Variants in KAZN observed in about 807,000 individuals in gnomAD.
KAZN encodes kazrin, periplakin interacting protein.
KAZN carries 40 observed loss-of-function variants against 87.4 expected under a neutral mutation model. The observed-to-expected ratio is 0.46, with a 90% confidence interval of 0.36 to 0.60. The LOEUF (loss-of-function observed/expected upper bound fraction) is 0.60, where lower values mean the gene tolerates loss of function less well. KAZN is among the 20% of genes least tolerant of loss of function. The pLI, the probability that KAZN is intolerant of heterozygous loss-of-function variation, is 0.00. For missense variants in KAZN, 898 were observed against 1,073.9 expected, an observed-to-expected ratio of 0.84 and a Z score of 2.29; for synonymous variants, 466 against 458.3, an observed-to-expected ratio of 1.02 and a Z score of -0.22.
At chr1:14,451,712 C>T (rs961976471) in intron 2 of KAZN, among the ~76,000 whole-genome samples, 1 of 151,992 alleles carries the variant, frequency 6.6e-6, no homozygotes, top group Non-Finnish European at 1.5e-5. Context: ...GCTGAAGACC[C>T]AAGAGAGTGG....
At chr1:15,023,416 G>A (rs180795289) in intron 2 of KAZN, among the ~76,000 whole-genome samples, 3 of 152,184 alleles carry the variant, frequency 2.0e-5, no homozygotes, top group Admixed American at 1.3e-4. Flanking sequence ...AGTGAGACAC[G>A]TGGGTAGGAG....
At chr1:14,213,603 G>A (rs1334789781) in intron 2 of KAZN, among the ~76,000 whole-genome samples, 1 of 152,194 alleles carries the variant, frequency 6.6e-6, no homozygotes, top group African/African-American at 2.4e-5. Context: ...GAGGTTAGTT[G>A]GTTAGAAAGG....
At chr1:14,563,604 G>A (rs933999899) in intron 2 of KAZN, among the ~76,000 whole-genome samples, 1 of 152,040 alleles carries the variant, frequency 6.6e-6, no homozygotes, top group African/African-American at 2.4e-5. Flanking sequence ...CAGAAGCTTA[G>A]CCATCACTCC....
At chr1:14,554,891 C>T (rs999127585) in intron 2 of KAZN, among the ~76,000 whole-genome samples, 1 of 152,220 alleles carries the variant, frequency 6.6e-6, no homozygotes, top group African/African-American at 2.4e-5. Context: ...CAGTGCTACA[C>T]AAACCAAAAC....
intron 1 of KAZN, among the ~76,000 whole-genome samples, chr1:14,959,532 G>T (rs548398819): frequency 6.6e-6 from 1 of 152,110 alleles, no homozygotes; most frequent in Non-Finnish European, 1.5e-5. Flanking sequence ...GGCAGTGTGC[G>T]GAGGGTGGGG....
At chr1:14,679,055 C>T (rs973280316) in intron 1 of KAZN, among the ~76,000 whole-genome samples, 2 of 152,178 alleles carry the variant, frequency 1.3e-5, no homozygotes, top group Non-Finnish European at 1.5e-5. Context: ...TACTATGTGC[C>T]AGACACTCGT....
chr1:14,999,672 C>T (rs983483998), intron 2 of KAZN, among the ~76,000 whole-genome samples: 1 of 152,222 alleles, frequency 6.6e-6, no homozygotes, highest in Non-Finnish European at 1.5e-5. Context: ...ACAAGAACCC[C>T]GGCATTTGTT....
intron 8 of KAZN, among the ~76,000 whole-genome samples, chr1:15,073,882 C>T (rs768347666): frequency 2.0e-5 from 3 of 152,216 alleles, no homozygotes; most frequent in Non-Finnish European, 4.4e-5. Flanking sequence ...GCCCAAGCTG[C>T]TGCACTCTGG....
At chr1:14,602,676 G>A (rs1378242156) in intron 1 of KAZN, among the ~76,000 whole-genome samples, 1 of 152,200 alleles carries the variant, frequency 6.6e-6, no homozygotes, top group Non-Finnish European at 1.5e-5. Context: ...ATCAGCTGAT[G>A]AATGACTAAT....
At chr1:14,860,542 CAG>C (rs1292919332) in intron 1 of KAZN, among the ~76,000 whole-genome samples, 1 of 152,164 alleles carries the variant, frequency 6.6e-6, no homozygotes, top group Non-Finnish European at 1.5e-5. Flanking sequence ...GCACTGTGGT[CAG>C]AGAGGGAGAC....
At chr1:14,802,184 T>C (rs1646054915) in intron 1 of KAZN, among the ~76,000 whole-genome samples, 1 of 151,932 alleles carries the variant, frequency 6.6e-6, no homozygotes, top group Non-Finnish European at 1.5e-5. Flanking sequence ...GGCTGGTGGA[T>C]CACTTGAGGC....
At chr1:14,407,593 A>AACCT (rs1301253733) in intron 2 of KAZN, among the ~76,000 whole-genome samples, 1 of 152,200 alleles carries the variant, frequency 6.6e-6, no homozygotes, top group Non-Finnish European at 1.5e-5. Context: ...CCCTGTCCAC[A>AACCT]ACCTGCCTGT....
chr1:14,346,787 T>C (rs1283906660), intron 2 of KAZN, among the ~76,000 whole-genome samples: 1 of 152,154 alleles, frequency 6.6e-6, no homozygotes, highest in African/African-American at 2.4e-5. Flanking sequence ...GAGGTGTCTA[T>C]GGTGGCACTA....
intron 2 of KAZN, among the ~76,000 whole-genome samples, chr1:14,297,503 G>A (rs977999664): frequency 1.3e-5 from 2 of 152,048 alleles, no homozygotes; most frequent in African/African-American, 4.8e-5. Flanking sequence ...GAGTGATTTG[G>A]GAGAGCCAGC....
At chr1:14,678,758 C>T (rs2148754748) in intron 1 of KAZN, among the ~76,000 whole-genome samples, 1 of 152,294 alleles carries the variant, frequency 6.6e-6, no homozygotes, top group African/African-American at 2.4e-5. Flanking sequence ...CAAGCCTTTG[C>T]TATGGCCCTA....
In KAZN at chr1:15,094,123, C is replaced by T. The variant is rs956051796; in HGVS notation, c.1223-57C>T. 4 of 1,542,638 alleles carry T rather than the reference C, an allele frequency of 2.6e-6. No homozygotes were observed. In the African/African-American group the frequency reaches 4.1e-5, roughly 16 times the overall value. ...CTGCCTCCCGGGGGTATGGCCTGCC[C>T]AGCCCCTGCCCCCAGCAGCCTCGTC... On this transcript the variant is annotated intron_variant, in intron 8 of 14. Transcript: ENST00000376030. This position sits in a 1 kb window ranked among gnomAD's most constrained non-coding sequence, Gnocchi z 4.5.
At chr1:15,112,152 C>T (rs1243892872) in intron 13 of KAZN, 2 of 503,388 alleles carry the variant, frequency 4.0e-6, no homozygotes, top group African/African-American at 1.9e-5. Flanking sequence ...CTGCCGCTAA[C>T]AGCTGTGTCG....
chr1:14,210,186 G>A (rs1253496680), intron 2 of KAZN, among the ~76,000 whole-genome samples: 1 of 152,186 alleles, frequency 6.6e-6, no homozygotes, highest in Non-Finnish European at 1.5e-5. Flanking sequence ...ATAGGGGTGG[G>A]TTTTTCCCAT....
At chr1:14,563,794 A>G (rs1674386281) in intron 2 of KAZN, among the ~76,000 whole-genome samples, 1 of 146,538 alleles carries the variant, frequency 6.8e-6, no homozygotes, top group African/African-American at 2.5e-5. Flanking sequence ...CCTTGTCTTT[A>G]GTTTTGCTTG....
Sources: gnomAD v4.1 joint callset for allele counts (sites outside exome capture counted in the v4.1 genomes callset) on GRCh38, gnomAD v4.1.1 for gene constraint, Gnocchi (gnomAD v3.1) non-coding constraint, MANE v1.5 for transcripts, NCBI Gene and HGNC (gene_info 2026-07-23, HGNC 2026-07-21) for gene names.